The following PGBD5 variants were observed in gnomAD, a reference collection of about 807,000 sequenced individuals.
PGBD5 encodes piggyBac transposable element-derived protein 5.
In PGBD5, 14 loss-of-function variants were observed where a neutral mutation model predicts 47.9. The observed-to-expected ratio is 0.29, with a 90% CI of 0.19 to 0.46. The LOEUF is 0.46. Ranked by LOEUF, PGBD5 falls within the 20% of genes least tolerant of loss-of-function variation. PGBD5 has a pLI of 1.00. For synonymous variants in PGBD5, 316 were observed against 306.3 expected (o/e 1.03, Z -0.33); for missense variants, 635 against 716.0 (o/e 0.89, Z 1.29).
intron 1 of PGBD5, among the ~76,000 whole-genome samples, chr1:230,374,143 G>A (rs1292986257): frequency 1.3e-5 from 2 of 152,216 alleles, no homozygotes; most frequent in Admixed American, 6.5e-5. Context: ...TTTTGGCCAG[G>A]CAGGGTGGCT....
At chr1:230,419,344 G>C (rs1245483203) in intron 1 of PGBD5, among the ~76,000 whole-genome samples, 1 of 113,226 alleles carries the variant, frequency 8.8e-6, no homozygotes, top group Non-Finnish European at 1.8e-5. Context: ...ACTTAGAAAT[G>C]GGAGTTAAAC....
intron 1 of PGBD5, chr1:230,362,189 A>G (rs1210130874): frequency 1.5e-6 from 2 of 1,292,392 alleles, no homozygotes; most frequent in Non-Finnish European, 2.0e-6. Flanking sequence ...CTGCTGCACG[A>G]GAGGGTGGGG....
In PGBD5 at chr1:230,315,699, CACAT is replaced by C. The variant is rs1666924451; in HGVS notation, c.*7722_*7725del. 1 of 149,788 alleles carries C rather than the reference CACAT, an allele frequency of 6.7e-6. No homozygotes were observed. Among genetic ancestry groups the C allele is most frequent in the Admixed American group, 6.6e-5 (1 of 15,130 alleles). The allele number at this position is 149,788 out of a possible 1,614,324, so 9.3% of individuals were successfully genotyped here. A position where few individuals can be genotyped will look rare whatever the true frequency, so the allele number is the denominator to read the frequency against. The stretch of plus-strand genomic sequence containing the variant: ...GTGTATGTGTGTGTATATTTACACA[CACAT>C]ACACACAAGATAGATATATATATTA... On this transcript the variant is annotated 3_prime_UTR_variant, in exon 7 of 7. Transcript: ENST00000391860.
rs1558192877 is a variant in PGBD5 at position 230,335,854 on chromosome 1, G to GAC, written c.1075+1253_1075+1254insGT. 3.7e-4 allele frequency among the ~76,000 whole-genome samples: 36 copies of GAC among 98,140 alleles called. 12 individuals carry two copies. Among genetic ancestry groups the GAC allele is most frequent in the Admixed American group, 8.3e-4 (8 of 9,638 alleles). The allele number at this position is 98,140 out of a possible 152,430, so 64.4% of individuals were successfully genotyped here. On this transcript the variant is annotated intron_variant, in intron 4 of 6. Transcript: ENST00000391860. ...ATACACATACACACACAGACACACA[G>GAC]ATACACACACAGATGCATACACGGA...
intron 1 of PGBD5, among the ~76,000 whole-genome samples, chr1:230,360,786 T>C (rs112506829): frequency 1.3e-5 from 2 of 152,148 alleles, no homozygotes; most frequent in Non-Finnish European, 2.9e-5. Context: ...ATACAGTTAG[T>C]CCTTATCAAC....
intron 2 of PGBD5, among the ~76,000 whole-genome samples, chr1:230,351,369 A>G (rs1372697818): frequency 2.0e-5 from 3 of 152,116 alleles, no homozygotes; most frequent in African/African-American, 7.2e-5. Context: ...ATTTATTATT[A>G]TTGTTATTAT....
chr1:230,416,904 G>C (rs1171380314), intron 1 of PGBD5, among the ~76,000 whole-genome samples: 1 of 152,226 alleles, frequency 6.6e-6, no homozygotes, highest in Non-Finnish European at 1.5e-5. Flanking sequence ...CAAAGGTGGA[G>C]GCTGAGAATC....
At chr1:230,379,634 A>G (rs1045161716) in intron 1 of PGBD5, among the ~76,000 whole-genome samples, 3 of 152,196 alleles carry the variant, frequency 2.0e-5, no homozygotes, top group African/African-American at 7.2e-5. Context: ...TTAACTGGTC[A>G]TCTTCCACAC....
intron 1 of PGBD5, among the ~76,000 whole-genome samples, chr1:230,421,980 A>G (rs909679571): frequency 6.6e-6 from 1 of 152,198 alleles, no homozygotes; most frequent in Non-Finnish European, 1.5e-5. Flanking sequence ...CTGTAAAGAT[A>G]AAACATTCAA....
chr1:230,415,995 A>G (rs937674030), intron 1 of PGBD5, among the ~76,000 whole-genome samples: 8 of 152,242 alleles, frequency 5.3e-5, no homozygotes, highest in African/African-American at 1.4e-4. Context: ...TGAGGATTAC[A>G]TAAGTTAGAA....
intron 4 of PGBD5, among the ~76,000 whole-genome samples, chr1:230,334,463 C>T (rs1367229143): frequency 1.3e-5 from 2 of 152,246 alleles, no homozygotes; most frequent in East Asian, 3.8e-4. Flanking sequence ...TTCCATGAAT[C>T]TATCCCTTTA....
At chr1:230,331,158 C>G (rs764150515) in intron 5 of PGBD5, among the ~76,000 whole-genome samples, 3 of 152,052 alleles carry the variant, frequency 2.0e-5, no homozygotes, top group Non-Finnish European at 2.9e-5. Flanking sequence ...CATGCCTGTA[C>G]ACCCAGCACT....
chr1:230,426,094 G>A lies in PGBD5; in HGVS notation c.-166C>T, dbSNP rs1271112788. 11 of 192,908 alleles carry A rather than the reference G, an allele frequency of 5.7e-5. No individual in the cohort carries two copies. In the Admixed American group the frequency reaches 7.5e-4, roughly 13 times the overall value. 11.9% of individuals were successfully genotyped at this position (192,908 alleles called of 1,614,324 possible). On this transcript the variant is annotated 5_prime_UTR_variant, in exon 1 of 7. Transcript: ENST00000391860. ...CGCCGTCTTGGCCGCCTCGGGCCCA[G>A]CGCCCGGGGAAGCGCCCTCGGAGCT...
At chr1:230,407,653 A>G (rs1276301523) in intron 1 of PGBD5, among the ~76,000 whole-genome samples, 1 of 152,192 alleles carries the variant, frequency 6.6e-6, no homozygotes, top group Non-Finnish European at 1.5e-5. Context: ...TTGTCTCCTC[A>G]GGGAAGACAT....
intron 5 of PGBD5, among the ~76,000 whole-genome samples, chr1:230,328,734 T>G (rs1667163155): frequency 6.6e-6 from 1 of 152,214 alleles, no homozygotes; most frequent in Non-Finnish European, 1.5e-5. Context: ...TCCTGCTACC[T>G]TTCTGCAAAT....
In PGBD5 at chr1:230,375,044, C is replaced by CT. The variant is rs758947683; in HGVS notation, c.332-17724dup. ...ATACGTTTCCAAAGGATGCCAGGCC[C>CT]TTTCTTCTTTGGAATTTCCCTCTTC... is the stretch of plus-strand genomic sequence containing the variant. On this transcript the variant is annotated intron_variant, in intron 1 of 6. Transcript: ENST00000391860. Among the ~76,000 whole-genome samples, 29 of 152,252 alleles carry CT rather than the reference C, an allele frequency of 1.9e-4. 1 individual carries two copies. The South Asian group carries it at 2.5e-3, about 13-fold the overall frequency.
At chr1:230,339,569 G>A (rs530868471) in intron 3 of PGBD5, among the ~76,000 whole-genome samples, 1 of 152,222 alleles carries the variant, frequency 6.6e-6, no homozygotes, top group Non-Finnish European at 1.5e-5. Flanking sequence ...CACGTTCACT[G>A]CTGCATTATT....
chr1:230,328,798 C>A (rs1207308505), intron 5 of PGBD5, among the ~76,000 whole-genome samples: 1 of 152,206 alleles, frequency 6.6e-6, no homozygotes, highest in Non-Finnish European at 1.5e-5. Context: ...ATTCTGCCTT[C>A]CCATTAGTCT....
At chr1:230,408,619 G>C (rs1370088593) in intron 1 of PGBD5, among the ~76,000 whole-genome samples, 2 of 152,130 alleles carry the variant, frequency 1.3e-5, no homozygotes, top group East Asian at 3.9e-4. Flanking sequence ...TGGGGGAAAA[G>C]CAGTTTTTTT....
Sources: gnomAD v4.1 joint callset for allele counts (sites outside exome capture counted in the v4.1 genomes callset) on GRCh38, gnomAD v4.1.1 for gene constraint, MANE v1.5 for transcripts, NCBI Gene and HGNC (gene_info 2026-07-23, HGNC 2026-07-21) for gene names.